Variants in SPATA18 observed in about 807,000 individuals in gnomAD.
SPATA18 encodes the protein mitochondria-eating protein.
Under a neutral mutation model 68.1 loss-of-function variants are expected in SPATA18, and 54 were observed. The observed-to-expected ratio is 0.79, with a 90% CI of 0.64 to 0.99. The LOEUF (loss-of-function observed/expected upper bound fraction) is 0.99, where lower values mean the gene tolerates loss of function less well. Among genes scored for constraint, SPATA18 ranks in the 50% least tolerant of loss-of-function variants. The pLI, the probability that SPATA18 is intolerant of heterozygous loss-of-function variation, is 0.00. For missense variants in SPATA18, 724 were observed against 681.1 expected, an observed-to-expected ratio of 1.06 and a Z score of -0.70; for synonymous variants, 242 against 244.8, an observed-to-expected ratio of 0.99 and a Z score of 0.11.
chr4:52,060,571 T>G, intron 2 of SPATA18, 47 bp downstream of exon 2: 3 of 1,565,410 alleles, frequency 1.9e-6, no homozygotes, highest in Non-Finnish European at 2.6e-6. Context: ...TGCCTTTCTC[T>G]CTTTTCTTGG....
In SPATA18 at chr4:52,095,199, C is replaced by T. The variant is rs190223936; in HGVS notation, c.*312C>T. 6.6e-4 allele frequency: 277 copies of T among 418,694 alleles called. 1 individual carries two copies. The highest frequency in any genetic ancestry group is 5.1e-3 in the African/African-American group (249 of 49,294). The allele number at this position is 418,694 out of a possible 1,614,324, so 25.9% of individuals were successfully genotyped here. On this transcript the variant is annotated 3_prime_UTR_variant, in exon 13 of 13. Coordinates refer to ENST00000295213, the MANE Select transcript of SPATA18 (RefSeq NM_145263.4). Reference sequence around the variant, plus strand: ...TCAAGATTTCCATCTCAAAACACTACGCTCTTTTATGGGAACTGTGTGAAC... The same window carrying T: ...TCAAGATTTCCATCTCAAAACACTATGCTCTTTTATGGGAACTGTGTGAAC...
chr4:52,081,349 C>T (rs1219475730), intron 9 of SPATA18, among the ~76,000 whole-genome samples: 2 of 152,220 alleles, frequency 1.3e-5, no homozygotes, highest in South Asian at 4.1e-4. Flanking sequence ...ACTTCTAGAA[C>T]TTCACAGAAC....
intron 11 of SPATA18, among the ~76,000 whole-genome samples, chr4:52,089,991 G>A (rs1379779134): frequency 6.6e-6 from 1 of 152,132 alleles, no homozygotes; most frequent in African/African-American, 2.4e-5. Flanking sequence ...TATATATTTA[G>A]GATGGTTAGT....
At chr4:52,061,037 G>T in intron 3 of SPATA18, 140 bp downstream of exon 3, 1 of 692,222 alleles carries the variant, frequency 1.4e-6, no homozygotes, top group Non-Finnish European at 2.4e-6. Flanking sequence ...TGGTTTCCAT[G>T]GGACGGTGTT....
intron 8 of SPATA18, among the ~76,000 whole-genome samples, 174 bp from the exon 9 acceptor site, chr4:52,079,570 C>T (rs1740736195): frequency 6.6e-6 from 1 of 152,178 alleles, no homozygotes; most frequent in Non-Finnish European, 1.5e-5. Context: ...TCCTTCTTCC[C>T]TGTGAATGGG....
chr4:52,083,451 A>T, intron 10 of SPATA18: 9 of 985,450 alleles, frequency 9.1e-6, no homozygotes, highest in Non-Finnish European at 1.1e-5. Flanking sequence ...GTTTTGTTCC[A>T]TAAATGTTGA....
rs538117544 is a variant in SPATA18, at chr4:52,058,473, C to T, written c.88-1946C>T. Among the ~76,000 whole-genome samples, 36 of 152,314 alleles carry T rather than the reference C, an allele frequency of 2.4e-4. 1 individual carries two copies. In the South Asian group the frequency reaches 7.3e-3, roughly 31 times the overall value. On this transcript the variant is annotated intron_variant, in intron 1 of 12. Transcript: ENST00000295213. ...TCCATGCCAGGTGCGAAAGGCTCTCCAGGTCAACTTGCCCTGCCAACCTCT... is the reference window on the plus strand; with the variant it reads ...TCCATGCCAGGTGCGAAAGGCTCTCTAGGTCAACTTGCCCTGCCAACCTCT...
intron 5 of SPATA18, among the ~76,000 whole-genome samples, chr4:52,070,425 T>G (rs1457082086): frequency 6.6e-6 from 1 of 151,920 alleles, no homozygotes; most frequent in African/African-American, 2.4e-5. Flanking sequence ...AAATATCAGT[T>G]GAACTGTCAG....
At chr4:52,069,086 C>T (rs1348186229) in intron 4 of SPATA18, among the ~76,000 whole-genome samples, 2 of 152,148 alleles carry the variant, frequency 1.3e-5, no homozygotes, top group Non-Finnish European at 2.9e-5. Context: ...ACAGGCTTGT[C>T]TTGAACTCCT....
At chr4:52,085,978 A>C (rs900366472) in intron 11 of SPATA18, among the ~76,000 whole-genome samples, 3 of 152,210 alleles carry the variant, frequency 2.0e-5, no homozygotes, top group Non-Finnish European at 4.4e-5. Flanking sequence ...TCATTTATTC[A>C]ACACATATTT....
chr4:52,063,471 C>A (rs1245716608), intron 4 of SPATA18, among the ~76,000 whole-genome samples: 1 of 152,144 alleles, frequency 6.6e-6, no homozygotes, highest in Non-Finnish European at 1.5e-5. Context: ...ATACCTGAAG[C>A]AGTCAAAATT....
rs79730985 is a variant in SPATA18, at chr4:52,071,006, T to C, written c.519-911T>C. 5.9e-4 allele frequency among the ~76,000 whole-genome samples: 90 copies of C among 152,296 alleles called. 1 individual carries two copies. The East Asian group carries it at 0.015, about 25-fold the overall frequency. Reference sequence around the variant, plus strand: ...TCTTAACTAGGAACACTGTTCTATTTTCTACTTCTGTCTTCCCCTTCCTCA... The same window carrying C: ...TCTTAACTAGGAACACTGTTCTATTCTCTACTTCTGTCTTCCCCTTCCTCA... On this transcript the variant is annotated intron_variant, in intron 5 of 12. Transcript: ENST00000295213.
chr4:52,064,134 A>G (rs961963562), intron 4 of SPATA18, among the ~76,000 whole-genome samples: 1 of 151,862 alleles, frequency 6.6e-6, no homozygotes, highest in Admixed American at 6.6e-5. Flanking sequence ...ATGCCCTTTC[A>G]TATGCCTTTT....
intron 1 of SPATA18, among the ~76,000 whole-genome samples, chr4:52,057,893 G>C (rs756278959): frequency 6.6e-6 from 1 of 152,196 alleles, no homozygotes; most frequent in African/African-American, 2.4e-5. Context: ...CATGGGAGAG[G>C]AATGGGCTCA....
At chr4:52,079,667 A>T in intron 8 of SPATA18, 77 bp from the exon 9 acceptor site, 1 of 1,470,714 alleles carries the variant, frequency 6.8e-7, no homozygotes, top group African/African-American at 1.4e-5. Flanking sequence ...ACCTCCCATC[A>T]ATCCTAATAT....
Position 52,051,661 on chromosome 4 carries a change from C to G in SPATA18, c.-44C>G. ...TGCGGAGGCCACCGCCTGGTCCCCCCAAGTCTCCATCGCGCAGCGTGGGGC... is the reference window on the plus strand; with the variant it reads ...TGCGGAGGCCACCGCCTGGTCCCCCGAAGTCTCCATCGCGCAGCGTGGGGC... On this transcript the variant is annotated 5_prime_UTR_variant, in exon 1 of 13. Coordinates refer to ENST00000295213, the MANE Select transcript of SPATA18 (RefSeq NM_145263.4). 1 of 1,595,164 alleles carries G rather than the reference C, an allele frequency of 6.3e-7. No homozygotes were observed. The highest frequency in any genetic ancestry group is 8.6e-7 in the Non-Finnish European group (1 of 1,162,790).
At chr4:52,094,746 T>C in intron 12 of SPATA18, 134 bp from the exon 13 acceptor site, 1 of 1,342,952 alleles carries the variant, frequency 7.4e-7, no homozygotes, top group East Asian at 2.3e-5. Context: ...GTCCCATGGG[T>C]CATGTAGAAG....
intron 4 of SPATA18, among the ~76,000 whole-genome samples, chr4:52,064,769 T>G (rs534126751): frequency 1.3e-5 from 2 of 152,350 alleles, no homozygotes; most frequent in African/African-American, 4.8e-5. Context: ...ATAAGATGGC[T>G]TCTTTTTCTT....
chr4:52,071,325 A>C (rs556373517), intron 5 of SPATA18, among the ~76,000 whole-genome samples: 1 of 152,276 alleles, frequency 6.6e-6, no homozygotes, highest in Admixed American at 6.5e-5. Context: ...AAGGATGCCA[A>C]TTTTATTTCT....
Sources: allele counts gnomAD v4.1 joint callset (sites outside exome capture counted in the v4.1 genomes callset), GRCh38; gene constraint gnomAD v4.1.1; transcripts MANE v1.5; gene names NCBI Gene and HGNC (gene_info 2026-07-23, HGNC 2026-07-21).